The following GRHPR variants were observed in gnomAD, a reference collection of about 807,000 sequenced individuals.
GRHPR encodes the protein glyoxylate and hydroxypyruvate reductase, also known as glyoxylate reductase/hydroxypyruvate reductase.
In GRHPR, 35 loss-of-function variants were observed where a neutral mutation model predicts 36.8. The ratio of observed to expected loss-of-function variants is 0.95; its 90% CI spans 0.73 to 1.26. The LOEUF is 1.26. Ranked by LOEUF, GRHPR falls within the 50% of genes most tolerant of loss-of-function variation. The pLI is 0.00. For missense variants in GRHPR, 380 were observed against 435.0 expected (o/e 0.87, Z 1.12); for synonymous variants, 179 against 181.0 (o/e 0.99, Z 0.09).
Position 37,425,035 on chromosome 9 carries a change from G to A in GRHPR, c.214+60G>A, listed in dbSNP as rs1348598053. 3 of 1,555,372 alleles carry A rather than the reference G, an allele frequency of 1.9e-6. 1 individual carries two copies. Among genetic ancestry groups the A allele is most frequent in the African/African-American group, 1.3e-5 (1 of 74,144 alleles). On this transcript the variant is annotated intron_variant, in intron 2 of 8. Coordinates refer to ENST00000318158, the MANE Select transcript of GRHPR (RefSeq NM_012203.2). ...CTTGGCCCTGTGGGCCCCTCAGCCTGTGCTGCTGGCTCCTGGCTGCTCTGC... is the reference window on the plus strand; with the variant it reads ...CTTGGCCCTGTGGGCCCCTCAGCCTATGCTGCTGGCTCCTGGCTGCTCTGC...
chr9:37,438,104 T>TC, downstream of GRHPR: 3 of 152,448 alleles, frequency 2.0e-5, no homozygotes, highest in Admixed American at 2.0e-4. Context: ...AACACATATT[T>TC]AGAGGCATGA....
chr9:37,425,248 G>A (rs898915475), intron 2 of GRHPR, among the ~76,000 whole-genome samples: 2 of 152,236 alleles, frequency 1.3e-5, no homozygotes, highest in Admixed American at 6.5e-5. Context: ...GGGTTCTCCA[G>A]CCCTGCCACA....
chr9:37,424,147 G>A (rs1212580008), intron 1 of GRHPR, among the ~76,000 whole-genome samples: 1 of 152,234 alleles, frequency 6.6e-6, no homozygotes, highest in African/African-American at 2.4e-5. Context: ...CTGAGCAGGA[G>A]AAGGTGGAAG....
chr9:37,425,920 A>G lies in GRHPR; in HGVS notation c.215-2A>G. The G allele has an allele frequency of 6.2e-7, 1 of 1,610,806 alleles. No homozygotes were observed. The highest frequency in any genetic ancestry group is 8.5e-7 in the Non-Finnish European group (1 of 1,176,946). ...ACTAACAATGCACTTTCTGCACAAC[A>G]GGGGCCAATCTCAAAGTCATCAGCA... On this transcript the variant is annotated splice_acceptor_variant, in intron 2 of 8. Transcript: ENST00000318158. LOFTEE classifies it high-confidence loss of function.
chr9:37,422,730 G>T lies in GRHPR; in HGVS notation c.-21G>T, dbSNP rs577436763. The T allele has an allele frequency of 4.5e-6, 7 of 1,554,386 alleles. No homozygotes were observed. The South Asian group carries it at 8.3e-5, about 18-fold the overall frequency. On this transcript the variant is annotated 5_prime_UTR_variant, in exon 1 of 9. Coordinates refer to ENST00000318158, the MANE Select transcript of GRHPR (RefSeq NM_012203.2). ...GGCCAGCTTCTGTACTGCCAGGTCCGGGTCGGCGGCTGCACTGCGGATGAG... is the reference window on the plus strand; with the variant it reads ...GGCCAGCTTCTGTACTGCCAGGTCCTGGTCGGCGGCTGCACTGCGGATGAG...
intron 1 of GRHPR, among the ~76,000 whole-genome samples, chr9:37,423,830 C>T (rs971757823): frequency 1.3e-5 from 2 of 152,168 alleles, no homozygotes; most frequent in Non-Finnish European, 2.9e-5. Flanking sequence ...GCTTCATATA[C>T]ATAAACTTTT....
chr9:37,428,664 C>T (rs1823203861), intron 5 of GRHPR, 92 bp downstream of exon 5: 1 of 849,014 alleles, frequency 1.2e-6, no homozygotes, highest in African/African-American at 1.6e-5. Flanking sequence ...AGAAGACCCA[C>T]ATGCTGTCAG....
chr9:37,430,432 G>A (rs1447616923), intron 6 of GRHPR, 79 bp from the exon 7 acceptor site: 1 of 1,249,634 alleles, frequency 8.0e-7, no homozygotes, highest in African/African-American at 1.5e-5. Context: ...AGGGAGTCGG[G>A]AGCAAGGGGC....
At chr9:37,425,633 C>T (rs915084617) in intron 2 of GRHPR, among the ~76,000 whole-genome samples, 4 of 152,174 alleles carry the variant, frequency 2.6e-5, no homozygotes, top group Admixed American at 6.5e-5. Flanking sequence ...TAAAGAAGAC[C>T]GGAGGCCTCG....
chr9:37,430,930 C>G (rs918749857), intron 7 of GRHPR: 23 of 554,446 alleles, frequency 4.1e-5, no homozygotes, highest in Admixed American at 3.3e-4. Flanking sequence ...TCCCAGGGAG[C>G]CTCTGCAGGC....
chr9:37,422,918 G>A (rs905183648), intron 1 of GRHPR, 85 bp downstream of exon 1: 18 of 958,356 alleles, frequency 1.9e-5, no homozygotes, highest in Admixed American at 4.4e-5. Context: ...CCTTGTGGCC[G>A]GCTGGGGCAG....
At position 37,422,742 on chromosome 9, in the gene GRHPR, G is replaced by T. The variant is rs1447053410; in HGVS notation, c.-9G>T. On this transcript the variant is annotated 5_prime_UTR_variant, in exon 1 of 9. Transcript: ENST00000318158. ...TACTGCCAGGTCCGGGTCGGCGGCT[G>T]CACTGCGGATGAGACCGGTGCGACT... is the stretch of plus-strand genomic sequence containing the variant. 1 of 1,572,190 alleles carries T rather than the reference G, an allele frequency of 6.4e-7. No homozygotes were observed. The highest frequency in any genetic ancestry group is 1.8e-5 in the Admixed American group (1 of 55,340).
chr9:37,432,013 A>C lies in GRHPR; in HGVS notation c.740A>C (p.Asp247Ala). 1 of 1,614,100 alleles carries C rather than the reference A, an allele frequency of 6.2e-7. No individual in the cohort carries two copies. Among genetic ancestry groups the C allele is most frequent in the Non-Finnish European group, 8.5e-7 (1 of 1,179,958 alleles). ...GTCACCACTGTCATTCCCAGGGGCGACGTCGTAAACCAGGACGACCTGTAC... is the reference window on the plus strand; with the variant it reads ...GTCACCACTGTCATTCCCAGGGGCGCCGTCGTAAACCAGGACGACCTGTAC... ...TAVFINISRGDVVNQDDLYQA... is the reference protein window; with the variant it reads ...TAVFINISRGAVVNQDDLYQA... The change falls in exon 8 of 9, where the codon GAC (aspartate) becomes GCC (alanine). Residue 247 changes from aspartate to alanine, a missense_variant. Asp to Ala is a moderately radical substitution (Grantham distance 126). Transcript: ENST00000318158.
intron 8 of GRHPR, among the ~76,000 whole-genome samples, chr9:37,435,821 A>G (rs1259246971): frequency 1.3e-5 from 2 of 152,208 alleles, no homozygotes; most frequent in Admixed American, 1.3e-4. Flanking sequence ...TTTATTTGGT[A>G]AAGATGATGT....
intron 7 of GRHPR, 184 bp from the exon 8 acceptor site, chr9:37,431,824 A>C (rs923587293): frequency 1.5e-5 from 9 of 589,358 alleles, no homozygotes; most frequent in African/African-American, 5.6e-5. Flanking sequence ...AGCTAGAAGG[A>C]GGCAGGGCTG....
downstream of GRHPR, chr9:37,437,078 G>C: frequency 2.6e-6 from 1 of 385,964 alleles, no homozygotes; most frequent in South Asian, 2.1e-5. Flanking sequence ...AACTCAGGAG[G>C]CTGAGCGGGA....
At chr9:37,424,749 GA>G in intron 1 of GRHPR, 95 bp from the exon 2 acceptor site, 4 of 1,464,098 alleles carry the variant, frequency 2.7e-6, no homozygotes, top group East Asian at 2.4e-5. Flanking sequence ...CGGGCAGCCT[GA>G]GGCCAGGGCC....
At chr9:37,426,349 A>G (rs1314030019) in intron 3 of GRHPR, 189 bp from the exon 4 acceptor site, 5 of 664,316 alleles carry the variant, frequency 7.5e-6, no homozygotes, top group Non-Finnish European at 1.4e-5. Context: ...CCATCTTCAT[A>G]TCCTTCCAAA....
At chr9:37,431,963 G>A in intron 7 of GRHPR, 45 bp from the exon 8 acceptor site, 1 of 1,611,414 alleles carries the variant, frequency 6.2e-7, no homozygotes, top group Non-Finnish European at 8.5e-7. Flanking sequence ...GGTGGCCTGG[G>A]CGGAGGGATC....
Sources: gnomAD v4.1 joint callset for allele counts (sites outside exome capture counted in the v4.1 genomes callset) on GRCh38, gnomAD v4.1.1 for gene constraint, MANE v1.5 for transcripts, NCBI Gene and HGNC (gene_info 2026-07-23, HGNC 2026-07-21) for gene names.